INPP4B: variants seen among roughly 807,000 people sequenced by gnomAD.
INPP4B encodes inositol polyphosphate 4-phosphatase type II.
In INPP4B, 55 loss-of-function variants were observed where a neutral mutation model predicts 122.5. The observed-to-expected ratio is 0.45, with a 90% CI of 0.36 to 0.56. INPP4B has a LOEUF of 0.56. Among genes scored for constraint, INPP4B ranks in the 20% least tolerant of loss-of-function variants. INPP4B has a pLI of 0.00. For synonymous variants in INPP4B, 403 were observed against 388.7 expected, an observed-to-expected ratio of 1.04 and a Z score of -0.43; for missense variants, 1,000 against 1,097.7, an observed-to-expected ratio of 0.91 and a Z score of 1.26.
At chr4:142,378,585 C>T (rs1792876389) in intron 7 of INPP4B, among the ~76,000 whole-genome samples, 1 of 152,104 alleles carries the variant, frequency 6.6e-6, no homozygotes, top group Non-Finnish European at 1.5e-5. Context: ...AAGACATGTT[C>T]CTGTCTTTAA....
intron 2 of INPP4B, among the ~76,000 whole-genome samples, chr4:142,530,542 T>C (rs563622143): frequency 1.9e-3 from 176 of 92,414 alleles, no homozygotes; most frequent in African/African-American, 6.4e-3. Flanking sequence ...TACATATATA[T>C]GTGTGTGCAT....
At position 142,721,677 on chromosome 4, in the gene INPP4B, C is replaced by T. The variant is rs987641809; in HGVS notation, c.-191+4162G>A. Among the ~76,000 whole-genome samples the T allele has an allele frequency of 6.6e-5, 10 of 151,990 alleles. No individual in the cohort carries two copies. The East Asian group carries it at 1.6e-3, about 24-fold the overall frequency. On this transcript the variant is annotated intron_variant, in intron 2 of 25. Transcript: ENST00000262992. ...CTCTACTAAAAATACAAAAATTAGC[C>T]GGGCGTGGTAGCGCGTGCCTGTAGT... is the stretch of plus-strand genomic sequence containing the variant.
intron 7 of INPP4B, among the ~76,000 whole-genome samples, chr4:142,344,234 CCTT>C (rs1779595021): frequency 6.6e-6 from 1 of 152,006 alleles, no homozygotes; most frequent in Non-Finnish European, 1.5e-5. Context: ...GCATTAGTCT[CCTT>C]AGAAGCAGGG....
chr4:142,454,990 C>T (rs945722919), intron 3 of INPP4B, among the ~76,000 whole-genome samples: 4 of 151,750 alleles, frequency 2.6e-5, no homozygotes, highest in African/African-American at 9.7e-5. Context: ...TTTCATTTTC[C>T]TCCTTTGTTT....
chr4:142,073,619 C>T (rs535468269), intron 25 of INPP4B, among the ~76,000 whole-genome samples: 1 of 152,084 alleles, frequency 6.6e-6, no homozygotes, highest in South Asian at 2.1e-4. Flanking sequence ...TTTTGGATTT[C>T]TTTGTATATG....
At chr4:142,530,578 T>TATATATAC (rs1491512256) in intron 2 of INPP4B, among the ~76,000 whole-genome samples, 1 of 109,584 alleles carries the variant, frequency 9.1e-6, no homozygotes, top group African/African-American at 3.2e-5. Flanking sequence ...TATATATATA[T>TATATATAC]ACACACACAC....
intron 2 of INPP4B, among the ~76,000 whole-genome samples, chr4:142,539,732 T>C (rs1580321857): frequency 6.6e-6 from 1 of 152,126 alleles, no homozygotes; most frequent in South Asian, 2.1e-4. Context: ...ATCTGTTCTA[T>C]ATTTTGTTAT....
intron 2 of INPP4B, among the ~76,000 whole-genome samples, chr4:142,507,753 A>G (rs1345890724): frequency 6.6e-6 from 1 of 152,134 alleles, no homozygotes; most frequent in Non-Finnish European, 1.5e-5. Flanking sequence ...TGAGGTAGGA[A>G]TAGTCTCAGG....
At chr4:142,729,826 T>C (rs1765830208) in intron 1 of INPP4B, among the ~76,000 whole-genome samples, 1 of 152,170 alleles carries the variant, frequency 6.6e-6, no homozygotes. Context: ...CTCTTTCATA[T>C]TCGTGGCCCA....
intron 1 of INPP4B, among the ~76,000 whole-genome samples, chr4:142,810,169 CAAA>C (rs201292060): frequency 2.9e-5 from 3 of 103,864 alleles, no homozygotes; most frequent in African/African-American, 3.4e-5. Flanking sequence ...GACTCCATCT[CAAA>C]AAAAAAAAAA....
chr4:142,836,478 A>T (rs1782788480), intron 1 of INPP4B, among the ~76,000 whole-genome samples: 1 of 152,122 alleles, frequency 6.6e-6, no homozygotes, highest in Non-Finnish European at 1.5e-5. Flanking sequence ...ATGAGGTAAT[A>T]GAAGCACAAA....
At chr4:142,136,293 C>A (rs1436385399) in intron 18 of INPP4B, among the ~76,000 whole-genome samples, 3 of 152,200 alleles carry the variant, frequency 2.0e-5, no homozygotes, top group African/African-American at 7.2e-5. Context: ...CCCTGCAGAA[C>A]TGCAAGTGAG....
chr4:142,579,677 A>T (rs1734583766), intron 2 of INPP4B, among the ~76,000 whole-genome samples: 1 of 151,724 alleles, frequency 6.6e-6, no homozygotes, highest in African/African-American at 2.4e-5. Flanking sequence ...TCTCCCCTTC[A>T]GACATGAATG....
intron 1 of INPP4B, among the ~76,000 whole-genome samples, chr4:142,772,437 CTG>C (rs1184887914): frequency 1.3e-5 from 2 of 152,130 alleles, no homozygotes; most frequent in African/African-American, 4.8e-5. Flanking sequence ...ACTGAACAAT[CTG>C]TGAACAATCT....
chr4:142,589,801 G>A (rs1009365390), intron 2 of INPP4B, among the ~76,000 whole-genome samples: 3 of 152,150 alleles, frequency 2.0e-5, no homozygotes, highest in African/African-American at 7.2e-5. Flanking sequence ...TTGAAAGCAC[G>A]TTTACCTAGA....
chr4:142,058,011 C>T (rs953163628), intron 25 of INPP4B, among the ~76,000 whole-genome samples: 1 of 152,032 alleles, frequency 6.6e-6, no homozygotes, highest in African/African-American at 2.4e-5. Flanking sequence ...TATTTCTTGC[C>T]TCCCCTACTA....
chr4:142,535,159 T>C (rs1828036789), intron 2 of INPP4B, among the ~76,000 whole-genome samples: 1 of 152,218 alleles, frequency 6.6e-6, no homozygotes, highest in Admixed American at 6.5e-5. Context: ...ATGAGTCAGT[T>C]GATGATTCAA....
chr4:142,245,281 T>G (rs1201348174), intron 11 of INPP4B, among the ~76,000 whole-genome samples: 1 of 152,212 alleles, frequency 6.6e-6, no homozygotes, highest in Non-Finnish European at 1.5e-5. Context: ...AGTCATGAAG[T>G]CTTTGCCCAT....
intron 2 of INPP4B, among the ~76,000 whole-genome samples, chr4:142,564,746 T>C (rs962989207): frequency 6.6e-6 from 1 of 152,050 alleles, no homozygotes; most frequent in African/African-American, 2.4e-5. Context: ...ATGCAGGTTG[T>C]TCATGGACCA....
Sources: allele counts gnomAD v4.1 joint callset (sites outside exome capture counted in the v4.1 genomes callset), GRCh38; gene constraint gnomAD v4.1.1; transcripts MANE v1.5; gene names NCBI Gene and HGNC (gene_info 2026-07-23, HGNC 2026-07-21).